Variants in CELF4 observed in about 807,000 individuals in gnomAD.
CELF4 encodes CUGBP Elav-like family member 4, also known as CUG-BP- and ETR-3-like factor 4.
Under a neutral mutation model 59.9 loss-of-function variants are expected in CELF4, and 18 were observed. The observed-to-expected ratio is 0.30, with a 90% CI of 0.21 to 0.45. The LOEUF (loss-of-function observed/expected upper bound fraction) is 0.45. Ranked by LOEUF, CELF4 falls within the 20% of genes least tolerant of loss-of-function variation. The pLI, the probability that CELF4 is intolerant of heterozygous loss-of-function variation, is 1.00. For missense variants in CELF4, 456 were observed against 689.0 expected (o/e 0.66, Z 3.79); for synonymous variants, 261 against 267.1 (o/e 0.98, Z 0.22).
chr18:37,314,169 C>A (rs530247930), intron 3 of CELF4, among the ~76,000 whole-genome samples: 1 of 152,144 alleles, frequency 6.6e-6, no homozygotes, highest in South Asian at 2.1e-4. Context: ...TGGCTTCCGG[C>A]CACACGGTGG....
At position 37,319,581 on chromosome 18, in the gene CELF4, A is replaced by C. The variant is rs557617838; in HGVS notation, c.448+2222T>G. 9.8e-5 allele frequency among the ~76,000 whole-genome samples: 15 copies of C among 152,324 alleles called. 1 individual carries two copies. The highest frequency in any genetic ancestry group is 8.5e-4 in the Admixed American group (13 of 15,304). On this transcript the variant is annotated intron_variant, in intron 3 of 12. Transcript: ENST00000420428. ...GGCAGAGGCCTGACTGAGGGGATGA[A>C]GGAGTGTTCTGAGCAGGCACAGGCC... is the stretch of plus-strand genomic sequence containing the variant.
chr18:37,452,184 T>G (rs2099765931), intron 2 of CELF4, among the ~76,000 whole-genome samples: 1 of 152,208 alleles, frequency 6.6e-6, no homozygotes, highest in African/African-American at 2.4e-5. Context: ...CCACGCTTGG[T>G]AATGTAATAA....
intron 1 of CELF4, among the ~76,000 whole-genome samples, chr18:37,522,526 C>T (rs2099958703): frequency 6.6e-6 from 1 of 152,116 alleles, no homozygotes; most frequent in African/African-American, 2.4e-5. Context: ...CGCGCACACA[C>T]ACACACACAC....
intron 2 of CELF4, among the ~76,000 whole-genome samples, chr18:37,453,930 C>G (rs2099771104): frequency 6.6e-6 from 1 of 152,078 alleles, no homozygotes; most frequent in Non-Finnish European, 1.5e-5. Flanking sequence ...CTTCCTTCTC[C>G]CCGCTCCCTC....
chr18:37,270,650 G>T, intron 8 of CELF4, 118 bp downstream of exon 8: 1 of 1,258,108 alleles, frequency 7.9e-7, no homozygotes, highest in East Asian at 2.4e-5. Flanking sequence ...CACACTTGGG[G>T]TTTCATCAAG....
At chr18:37,448,241 G>C (rs1336133467) in intron 2 of CELF4, among the ~76,000 whole-genome samples, 1 of 152,230 alleles carries the variant, frequency 6.6e-6, no homozygotes, top group African/African-American at 2.4e-5. Flanking sequence ...TGTGCATGAT[G>C]ACTGGAGCCT....
At chr18:37,377,341 G>A (rs971436716) in intron 2 of CELF4, among the ~76,000 whole-genome samples, 1 of 152,116 alleles carries the variant, frequency 6.6e-6, no homozygotes, top group Non-Finnish European at 1.5e-5. Context: ...GTCCAACCCT[G>A]GCTGCATTTT....
chr18:37,363,080 T>C (rs552172389), intron 2 of CELF4, among the ~76,000 whole-genome samples: 2 of 152,280 alleles, frequency 1.3e-5, no homozygotes, highest in East Asian at 3.9e-4. Flanking sequence ...GGCACACCCC[T>C]GAAGAGAATT....
intron 1 of CELF4, among the ~76,000 whole-genome samples, chr18:37,523,464 C>A (rs1369140428): frequency 1.3e-5 from 2 of 152,120 alleles, no homozygotes; most frequent in African/African-American, 4.8e-5. Context: ...GAGCCACATG[C>A]CTGTAATCCT....
intron 3 of CELF4, among the ~76,000 whole-genome samples, chr18:37,313,665 T>C (rs2096757138): frequency 6.6e-6 from 1 of 152,198 alleles, no homozygotes; most frequent in African/African-American, 2.4e-5. Flanking sequence ...GTGGGGCCCT[T>C]GAAGCCCTTG....
intron 2 of CELF4, among the ~76,000 whole-genome samples, chr18:37,414,061 C>A (rs760949642): frequency 6.6e-6 from 1 of 152,222 alleles, no homozygotes; most frequent in Non-Finnish European, 1.5e-5. Context: ...GTCATTGACA[C>A]TTCCTTTCTG....
At chr18:37,396,113 G>A (rs1248366652) in intron 2 of CELF4, among the ~76,000 whole-genome samples, 1 of 152,204 alleles carries the variant, frequency 6.6e-6, no homozygotes, top group African/African-American at 2.4e-5. Flanking sequence ...TCTAGTCTGT[G>A]GGTTCTTTCT....
chr18:37,319,386 G>A (rs2154517591), intron 3 of CELF4, among the ~76,000 whole-genome samples: 1 of 152,322 alleles, frequency 6.6e-6, no homozygotes, highest in South Asian at 2.1e-4. Context: ...TAGGACCAGA[G>A]CACTCCATTG....
At chr18:37,311,150 T>C (rs992811289) in intron 3 of CELF4, among the ~76,000 whole-genome samples, 1 of 152,154 alleles carries the variant, frequency 6.6e-6, no homozygotes, top group African/African-American at 2.4e-5. Context: ...TCCAAATGGA[T>C]TAAAAAAACT....
At chr18:37,547,581 T>C (rs917717724) in intron 1 of CELF4, among the ~76,000 whole-genome samples, 1 of 152,336 alleles carries the variant, frequency 6.6e-6, no homozygotes, top group South Asian at 2.1e-4. Context: ...GCCAAGATTC[T>C]GTGGGTTGAC....
intron 1 of CELF4, among the ~76,000 whole-genome samples, chr18:37,500,888 C>A (rs1263111025): frequency 6.6e-6 from 1 of 152,200 alleles, no homozygotes; most frequent in Non-Finnish European, 1.5e-5. Flanking sequence ...CCCAGCCCCA[C>A]TGGGGAGGCT....
chr18:37,302,297 G>C (rs889253309), intron 3 of CELF4, among the ~76,000 whole-genome samples: 3 of 152,116 alleles, frequency 2.0e-5, no homozygotes, highest in African/African-American at 7.2e-5. Flanking sequence ...CAGTGTGTGG[G>C]GAGAATAGAA....
At chr18:37,353,697 C>T (rs2956969) in intron 2 of CELF4, among the ~76,000 whole-genome samples, 114,971 of 124,796 alleles carry the variant, frequency 0.92, 53,133 homozygotes, top group East Asian at 0.99. Flanking sequence ...TACCTTTAAC[C>T]CTGCCCAGAC....
intron 9 of CELF4, among the ~76,000 whole-genome samples, chr18:37,265,586 G>A (rs1020419732): frequency 6.6e-6 from 1 of 152,176 alleles, no homozygotes; most frequent in African/African-American, 2.4e-5. Flanking sequence ...CAGGGGCAGA[G>A]GACTGAGTTG....
Sources: gnomAD v4.1 joint callset for allele counts (sites outside exome capture counted in the v4.1 genomes callset) on GRCh38, gnomAD v4.1.1 for gene constraint, MANE v1.5 for transcripts, NCBI Gene and HGNC (gene_info 2026-07-23, HGNC 2026-07-21) for gene names.